Variants in NLN observed in about 807,000 individuals in gnomAD.
The protein encoded by NLN is neurolysin.
In NLN, 64 loss-of-function variants were observed where a neutral mutation model predicts 79.9. The observed-to-expected ratio is 0.80, with a 90% CI of 0.65 to 0.99. The LOEUF (loss-of-function observed/expected upper bound fraction) is 0.99. NLN is among the 50% of genes least tolerant of loss of function. The pLI is 0.00. For missense variants in NLN, 835 were observed against 858.7 expected, an observed-to-expected ratio of 0.97 and a Z score of 0.34; for synonymous variants, 267 against 296.6, an observed-to-expected ratio of 0.90 and a Z score of 1.02.
chr5:65,788,566 T>A (rs1239281855), intron 8 of NLN, 82 bp downstream of exon 8: 2 of 1,385,856 alleles, frequency 1.4e-6, no homozygotes, highest in Middle Eastern at 1.8e-4. Flanking sequence ...CCAGGCACAG[T>A]GGCTCATGCC....
intron 8 of NLN, among the ~76,000 whole-genome samples, chr5:65,789,711 A>C (rs908221965): frequency 6.6e-6 from 1 of 152,192 alleles, no homozygotes; most frequent in Non-Finnish European, 1.5e-5. Context: ...TCACGCCACT[A>C]TACTCCAGCC....
At chr5:65,774,783 G>A (rs1228503166) in intron 3 of NLN, among the ~76,000 whole-genome samples, 6 of 150,258 alleles carry the variant, frequency 4.0e-5, no homozygotes, top group Non-Finnish European at 8.9e-5. Context: ...AGAATGCAGT[G>A]GCACGATCTC....
chr5:65,778,116 A>G (rs1472990836), intron 4 of NLN, among the ~76,000 whole-genome samples: 2 of 152,064 alleles, frequency 1.3e-5, no homozygotes, highest in African/African-American at 4.8e-5. Flanking sequence ...TAAAATCCTT[A>G]CCGATGGAGA....
Position 65,780,887 on chromosome 5 carries a change from T to G in NLN, c.662-374T>G, listed in dbSNP as rs1759786430. 2.6e-5 allele frequency among the ~76,000 whole-genome samples: 4 copies of G among 152,202 alleles called. No homozygotes were observed. The South Asian group carries it at 8.3e-4, about 31-fold the overall frequency. On this transcript the variant is annotated intron_variant, in intron 5 of 12. Transcript: ENST00000380985. The stretch of plus-strand genomic sequence containing the variant: ...CGGGGTTTCACCATGTTGGCCAGAA[T>G]GGTCTCGATTTCTTGACCTCATGAT...
intron 9 of NLN, among the ~76,000 whole-genome samples, chr5:65,794,402 G>A (rs1209806607): frequency 1.3e-5 from 2 of 152,058 alleles, no homozygotes; most frequent in African/African-American, 4.8e-5. Flanking sequence ...CCTGAGCTCA[G>A]GAGTTCAAGA....
At chr5:65,749,991 G>T (rs938883639) in intron 1 of NLN, among the ~76,000 whole-genome samples, 10 of 152,306 alleles carry the variant, frequency 6.6e-5, no homozygotes, top group Admixed American at 5.9e-4. Context: ...GAGCTACTCG[G>T]TAAATGAGTT....
intron 1 of NLN, among the ~76,000 whole-genome samples, chr5:65,744,049 T>C (rs1317655127): frequency 1.3e-5 from 2 of 152,214 alleles, no homozygotes; most frequent in Admixed American, 1.3e-4. Context: ...TTACCTGATA[T>C]TCTGTTATTT....
At chr5:65,772,508 G>C (rs528216766) in intron 3 of NLN, among the ~76,000 whole-genome samples, 1 of 152,302 alleles carries the variant, frequency 6.6e-6, no homozygotes, top group South Asian at 2.1e-4. Context: ...CCTAGCCCAG[G>C]AGTGCAGACA....
chr5:65,801,709 A>G (rs1760289200), intron 9 of NLN, among the ~76,000 whole-genome samples: 1 of 152,250 alleles, frequency 6.6e-6, no homozygotes, highest in Non-Finnish European at 1.5e-5. Flanking sequence ...CCCCAGCTAC[A>G]AAATGGCTTT....
chr5:65,743,856 C>T (rs1257143066), intron 1 of NLN, among the ~76,000 whole-genome samples: 1 of 152,154 alleles, frequency 6.6e-6, no homozygotes, highest in Non-Finnish European at 1.5e-5. Context: ...CCTATTTTAG[C>T]CTTACCTCTT....
Position 65,771,464 on chromosome 5 carries a change from C to A in NLN, c.451-5963C>A, listed in dbSNP as rs1759564010. Among the ~76,000 whole-genome samples the A allele has an allele frequency of 2.6e-5, 4 of 152,176 alleles. No individual in the cohort carries two copies. The South Asian group carries it at 8.3e-4, about 31-fold the overall frequency. ...AAGGAATAAATGCACAAGAGGAATT[C>A]TTTCATGAAATAGAGGCTGAATTAT... is the stretch of plus-strand genomic sequence containing the variant. On this transcript the variant is annotated intron_variant, in intron 3 of 12. Coordinates refer to ENST00000380985, the MANE Select transcript of NLN (RefSeq NM_020726.5).
intron 3 of NLN, among the ~76,000 whole-genome samples, chr5:65,764,373 A>G (rs1215151963): frequency 6.6e-6 from 1 of 152,176 alleles, no homozygotes; most frequent in Non-Finnish European, 1.5e-5. Context: ...CTAAAAATAC[A>G]AAAATTAGCC....
intron 9 of NLN, among the ~76,000 whole-genome samples, chr5:65,802,494 G>A (rs1760307924): frequency 6.6e-6 from 1 of 152,200 alleles, no homozygotes; most frequent in Non-Finnish European, 1.5e-5. Context: ...GAGCTCCTAG[G>A]TCTGGGTTCC....
At chr5:65,736,218 A>G (rs1758724704) in intron 1 of NLN, among the ~76,000 whole-genome samples, 1 of 152,154 alleles carries the variant, frequency 6.6e-6, no homozygotes, top group African/African-American at 2.4e-5. Context: ...CCTAAACAAC[A>G]TATGATTTAG....
chr5:65,821,925 CTCTAGCTCT>C (rs1301632377), intron 12 of NLN, among the ~76,000 whole-genome samples: 4 of 152,156 alleles, frequency 2.6e-5, no homozygotes, highest in African/African-American at 2.4e-5. Flanking sequence ...GCTGGAAATT[CTCTAGCTCT>C]TCTTGTACTA....
At chr5:65,772,309 A>G (rs931324163) in intron 3 of NLN, among the ~76,000 whole-genome samples, 2 of 152,110 alleles carry the variant, frequency 1.3e-5, no homozygotes, top group Admixed American at 6.5e-5. Flanking sequence ...TTGTTTCCTT[A>G]GTGCCAGGAA....
intron 8 of NLN, among the ~76,000 whole-genome samples, chr5:65,791,123 T>G (rs1760048264): frequency 6.6e-6 from 1 of 152,204 alleles, no homozygotes; most frequent in Non-Finnish European, 1.5e-5. Flanking sequence ...GTATTCAGAA[T>G]AGGTTTTAAA....
intron 1 of NLN, among the ~76,000 whole-genome samples, chr5:65,742,548 C>A (rs2247193): frequency 0.24 from 35,982 of 152,066 alleles, 4,390 homozygotes; most frequent in African/African-American, 0.27. Flanking sequence ...CTATACTCAA[C>A]ATACTTGTAG....
intron 12 of NLN, among the ~76,000 whole-genome samples, chr5:65,816,726 G>C (rs777984011): frequency 1.4e-4 from 21 of 152,064 alleles, no homozygotes; most frequent in Admixed American, 3.9e-4. Context: ...TACATAGACA[G>C]GATAAAAATA....
Sources: gnomAD v4.1 joint callset for allele counts (sites outside exome capture counted in the v4.1 genomes callset) on GRCh38, gnomAD v4.1.1 for gene constraint, MANE v1.5 for transcripts, NCBI Gene and HGNC (gene_info 2026-07-23, HGNC 2026-07-21) for gene names.